Variants in RUVBL2 observed in about 807,000 individuals in gnomAD.
RUVBL2 encodes the protein RuvB like AAA ATPase 2.
RUVBL2 carries 9 observed loss-of-function variants against 57.9 expected under a neutral mutation model. The observed-to-expected ratio is 0.16, with a 90% CI of 0.09 to 0.27. The LOEUF is 0.27. Among genes scored for constraint, RUVBL2 ranks in the 10% least tolerant of loss-of-function variants. RUVBL2 has a pLI of 1.00. For synonymous variants in RUVBL2, 278 were observed against 264.6 expected (o/e 1.05, Z -0.49); for missense variants, 456 against 669.6 (o/e 0.68, Z 3.52).
At position 49,009,912 on chromosome 19, in the gene RUVBL2, CA is replaced by C. The variant is rs771459773; in HGVS notation, c.569+31del. 3 of 1,613,082 alleles carry C rather than the reference CA, an allele frequency of 1.9e-6. No individual in the cohort carries two copies. The East Asian group carries it at 6.7e-5, about 36-fold the overall frequency. On this transcript the variant is annotated intron_variant, in intron 7 of 14. Transcript: ENST00000595090. Reference sequence around the variant, plus strand: ...GCAGTCAGGGGCCATGCCAGGCAGCCAGGGGGATGGGCGAGCTTGGGCCCAT... The same window carrying C: ...GCAGTCAGGGGCCATGCCAGGCAGCCGGGGGATGGGCGAGCTTGGGCCCAT...
Position 49,015,640 on chromosome 19 carries a change from G to A in RUVBL2, c.1320G>A (p.Thr440=), listed in dbSNP as rs777617255. The change falls in exon 14 of 15, where the codon ACG becomes ACA. Residue 440 remains threonine (T), a synonymous_variant. Coordinates refer to ENST00000595090, the MANE Select transcript of RUVBL2 (RefSeq NM_006666.3). Reference sequence around the variant, plus strand: ...TCTTCCTGGACGAGTCCCGCTCCACGCAGTACATGAAGGAGTACCAGGACG... The same window carrying A: ...TCTTCCTGGACGAGTCCCGCTCCACACAGTACATGAAGGAGTACCAGGACG... ...YSLFLDESRS[T]QYMKEYQDAF... 6 of 1,614,084 alleles carry A rather than the reference G, an allele frequency of 3.7e-6. 1 individual carries two copies. The highest frequency in any genetic ancestry group is 1.1e-5 in the South Asian group (1 of 91,084).
upstream of RUVBL2, chr19:48,993,766 T>G: frequency 9.2e-7 from 1 of 1,084,132 alleles, no homozygotes; most frequent in Admixed American, 2.0e-5. Flanking sequence ...GGGCGGGGCA[T>G]AAAGTCCCGC....
chr19:49,004,899 A>C (rs2039253585), intron 4 of RUVBL2, among the ~76,000 whole-genome samples: 1 of 151,948 alleles, frequency 6.6e-6, no homozygotes, highest in Non-Finnish European at 1.5e-5. Flanking sequence ...AAATTTCATA[A>C]TTTGGACCAT....
Position 49,010,545 on chromosome 19 carries a change from A to C in RUVBL2, c.721A>C (p.Thr241Pro), listed in dbSNP as rs533260607. Residue 241 changes from threonine (T) to proline (P), a missense_variant, in exon 9 of 15, where the codon ACC becomes CCC. Transcript: ENST00000595090. The part of the protein sequence containing the change: ...ELQKRKEVVH[T>P]VSLHEIDVIN... ...CCAGAAACGCAAGGAGGTGGTGCAC[A>C]CCGTGTCCCTGCACGAGATCGACGT... The C allele has an allele frequency of 1.2e-6, 2 of 1,607,482 alleles. No homozygotes were observed. The highest frequency in any genetic ancestry group is 1.7e-6 in the Non-Finnish European group (2 of 1,178,904).
chr19:48,996,208 T>C (rs2039056288), intron 1 of RUVBL2, among the ~76,000 whole-genome samples: 1 of 151,976 alleles, frequency 6.6e-6, no homozygotes, highest in African/African-American at 2.4e-5. Flanking sequence ...GTGGCCTCGG[T>C]TAGCATGCTA....
chr19:49,001,811 T>A (rs1453775605), intron 2 of RUVBL2, among the ~76,000 whole-genome samples: 1 of 149,484 alleles, frequency 6.7e-6, no homozygotes, highest in East Asian at 2.0e-4. Flanking sequence ...GTGGTTTCAC[T>A]GTGTTAGCCA....
chr19:48,996,272 A>C (rs1208405284), intron 1 of RUVBL2, among the ~76,000 whole-genome samples: 1 of 152,150 alleles, frequency 6.6e-6, no homozygotes, highest in East Asian at 1.9e-4. Flanking sequence ...CCAAAGTGTC[A>C]GAAAATAATG....
intron 9 of RUVBL2, 102 bp from the exon 10 acceptor site, chr19:49,010,897 C>T: frequency 2.7e-6 from 3 of 1,095,422 alleles, no homozygotes; most frequent in Non-Finnish European, 4.1e-6. Flanking sequence ...CTTTGCTCCC[C>T]TTCCTCCATC....
chr19:49,015,892 AC>A lies in RUVBL2; in HGVS notation c.*51del. 6.2e-7 allele frequency: 1 copy of A among 1,613,926 alleles called. No individual in the cohort carries two copies. The highest frequency in any genetic ancestry group is 8.5e-7 in the Non-Finnish European group (1 of 1,179,788). Reference sequence around the variant, plus strand: ...CCCTGTTTTCCACCAGAGTTCTGACACTGTGACTCTGTATAAAATGGTTGGG... The same window carrying A: ...CCCTGTTTTCCACCAGAGTTCTGACATGTGACTCTGTATAAAATGGTTGGG... On this transcript the variant is annotated 3_prime_UTR_variant, in exon 15 of 15. Transcript: ENST00000595090.
intron 1 of RUVBL2, among the ~76,000 whole-genome samples, chr19:48,998,423 G>T (rs139787562): frequency 1.3e-5 from 2 of 151,752 alleles, no homozygotes; most frequent in African/African-American, 4.8e-5. Context: ...GTCTGGGCAC[G>T]GTGGTTCACA....
rs535925786 is a variant in RUVBL2, at chr19:48,997,727, A to G, written c.13-1592A>G. 9.9e-5 allele frequency among the ~76,000 whole-genome samples: 15 copies of G among 151,784 alleles called. No homozygotes were observed. The South Asian group carries it at 3.1e-3, about 32-fold the overall frequency. ...TAGACCCTGTTTTATTTTGCCATTCATCAGCTGATGGACATGTGGGTTGTT... is the reference window on the plus strand; with the variant it reads ...TAGACCCTGTTTTATTTTGCCATTCGTCAGCTGATGGACATGTGGGTTGTT... On this transcript the variant is annotated intron_variant, in intron 1 of 14. Transcript: ENST00000595090.
At chr19:49,005,640 ATT>A (rs150154178) in intron 4 of RUVBL2, among the ~76,000 whole-genome samples, 8 of 120,498 alleles carry the variant, frequency 6.6e-5, no homozygotes, top group African/African-American at 8.5e-5. Flanking sequence ...ACTCTTCTTC[ATT>A]TTTTTTTTTT....
rs1182201999 is a variant in RUVBL2 at position 49,011,103 on chromosome 19, C to G, written c.882+10C>G. On this transcript the variant is annotated intron_variant, in intron 10 of 14. Transcript: ENST00000595090. This position sits in a 1 kb window ranked among gnomAD's most constrained non-coding sequence, Gnocchi z 4.4. ...GGAGATCATCCCTGGAGTGAGGACC[C>G]AGGACATGGCCGGGGCGGGTGGTGG... 1 of 1,608,756 alleles carries G rather than the reference C, an allele frequency of 6.2e-7. No individual in the cohort carries two copies. The highest frequency in any genetic ancestry group is 2.2e-5 in the East Asian group (1 of 44,746).
At chr19:49,013,153 AG>A (rs1267709400) in intron 11 of RUVBL2, among the ~76,000 whole-genome samples, 10 of 152,008 alleles carry the variant, frequency 6.6e-5, no homozygotes, top group Non-Finnish European at 1.5e-4. Context: ...TAGTAGAGAC[AG>A]GGTTTCACCA....
At chr19:49,009,747 C>A (rs115058775) in intron 6 of RUVBL2, 29 bp from the exon 7 acceptor site, 1 of 1,595,376 alleles carries the variant, frequency 6.3e-7, no homozygotes, top group Non-Finnish European at 8.6e-7. Flanking sequence ...CCTCTCTGAG[C>A]CCCATCCCTG....
At chr19:49,002,247 A>G (rs1432322048) in intron 2 of RUVBL2, among the ~76,000 whole-genome samples, 2 of 151,846 alleles carry the variant, frequency 1.3e-5, no homozygotes, top group African/African-American at 4.8e-5. Context: ...ACGGGGTTTC[A>G]CCATGTTGGC....
chr19:49,010,206 A>G, intron 8 of RUVBL2, 140 bp downstream of exon 8: 1 of 848,776 alleles, frequency 1.2e-6, no homozygotes, highest in Non-Finnish European at 1.9e-6. Context: ...CTTCCCTGTA[A>G]CCCTAGGACA....
At position 49,010,496 on chromosome 19, in the gene RUVBL2, C is replaced by T. The variant is rs767682271; in HGVS notation, c.672C>T (p.Phe224=). 9 of 772,174 alleles carry T rather than the reference C, an allele frequency of 1.2e-5. No individual in the cohort carries two copies. Among genetic ancestry groups the T allele is most frequent in the Middle Eastern group, 2.6e-4 (1 of 3,828 alleles). The allele number at this position is 772,174 out of a possible 1,614,324, so 47.8% of individuals were successfully genotyped here. Residue 224 remains phenylalanine (F), a synonymous_variant, in exon 9 of 15, where the codon TTC becomes TTT. Coordinates refer to ENST00000595090, the MANE Select transcript of RUVBL2 (RefSeq NM_006666.3). ...CCACCCCCGCCCCATAGACCAAGTT[C>T]GTGCAGTGCCCAGATGGGGAGCTCC... ...DYDAMGSQTK[F]VQCPDGELQK...
intron 1 of RUVBL2, among the ~76,000 whole-genome samples, chr19:48,995,412 G>T (rs2039037266): frequency 6.6e-6 from 1 of 150,774 alleles, no homozygotes; most frequent in African/African-American, 2.4e-5. Context: ...GCTTCCTATA[G>T]GAGACGGTAG....
Sources: gnomAD v4.1 joint callset for allele counts (sites outside exome capture counted in the v4.1 genomes callset) on GRCh38, gnomAD v4.1.1 for gene constraint, Gnocchi (gnomAD v3.1) non-coding constraint, MANE v1.5 for transcripts, NCBI Gene and HGNC (gene_info 2026-07-23, HGNC 2026-07-21) for gene names.